The following CCDC171 variants were observed in gnomAD, a reference collection of about 807,000 sequenced individuals.
The protein encoded by CCDC171 is coiled-coil domain-containing protein 171.
Under a neutral mutation model 168.2 loss-of-function variants are expected in CCDC171, and 177 were observed. That is an observed-to-expected ratio of 1.05 (90% CI 0.93 to 1.19). The LOEUF (loss-of-function observed/expected upper bound fraction) is 1.19, where lower values mean the gene tolerates loss of function less well. Ranked by LOEUF, CCDC171 falls within the 50% of genes most tolerant of loss-of-function variation. CCDC171 has a pLI of 0.00. For synonymous variants in CCDC171, 687 were observed against 540.8 expected, an observed-to-expected ratio of 1.27 and a Z score of -3.75; for missense variants, 1,991 against 1,539.0, an observed-to-expected ratio of 1.29 and a Z score of -4.91.
At chr9:15,984,334 C>T (rs1022498736) in intron 3 of CCDC171, among the ~76,000 whole-genome samples, 1 of 152,046 alleles carries the variant, frequency 6.6e-6, no homozygotes, top group Non-Finnish European at 1.5e-5. Context: ...AATAGTGTCA[C>T]TGTGGTTAGG....
chr9:15,657,038 A>T (rs1020316832), intron 7 of CCDC171, 89 bp from the exon 8 acceptor site: 1 of 607,406 alleles, frequency 1.6e-6, no homozygotes, highest in Non-Finnish European at 2.7e-6. Context: ...CCACTAATCT[A>T]AAGTGTTAAT....
intron 7 of CCDC171, among the ~76,000 whole-genome samples, chr9:15,633,768 C>G (rs1416989807): frequency 6.6e-6 from 1 of 152,132 alleles, no homozygotes; most frequent in African/African-American, 2.4e-5. Flanking sequence ...AGACTTGGAA[C>G]CAACCCAAAT....
chr9:15,909,448 C>G lies in CCDC171; in HGVS notation c.3601-10822C>G, dbSNP rs915321951. On this transcript the variant is annotated intron_variant, in intron 24 of 25. Transcript: ENST00000380701. Reference sequence around the variant, plus strand: ...CGTGCACATAATTCCACTGGCAAAGCGAGAAGGTGGTTGGCAGTCTGACAT... The same window carrying G: ...CGTGCACATAATTCCACTGGCAAAGGGAGAAGGTGGTTGGCAGTCTGACAT... Among the ~76,000 whole-genome samples, 4 of 151,938 alleles carry G rather than the reference C, an allele frequency of 2.6e-5. No homozygotes were observed. In the East Asian group the frequency reaches 7.8e-4, roughly 29 times the overall value.
At chr9:15,790,555 A>G (rs567916107) in intron 21 of CCDC171, among the ~76,000 whole-genome samples, 1 of 151,888 alleles carries the variant, frequency 6.6e-6, no homozygotes, top group Non-Finnish European at 1.5e-5. Flanking sequence ...TTGCCTGTTC[A>G]CTCTGATGGT....
chr9:15,556,219 C>T (rs2038784757), intron 1 of CCDC171, among the ~76,000 whole-genome samples: 1 of 152,076 alleles, frequency 6.6e-6, no homozygotes, highest in African/African-American at 2.4e-5. Context: ...GATGGGCTTC[C>T]CTTTGTGGGT....
chr9:15,760,465 G>A (rs1304482007), intron 18 of CCDC171, among the ~76,000 whole-genome samples: 3 of 152,118 alleles, frequency 2.0e-5, no homozygotes, highest in Admixed American at 6.5e-5. Context: ...TCTGGGTACC[G>A]TTGCTTACTA....
At chr9:15,596,166 A>G (rs1184713887) in intron 6 of CCDC171, among the ~76,000 whole-genome samples, 2 of 152,046 alleles carry the variant, frequency 1.3e-5, no homozygotes, top group African/African-American at 2.4e-5. Context: ...CCATTTGTCA[A>G]TTTTGGCTTT....
At chr9:15,914,775 A>G (rs1327687617) in intron 24 of CCDC171, among the ~76,000 whole-genome samples, 1 of 152,004 alleles carries the variant, frequency 6.6e-6, no homozygotes, top group East Asian at 1.9e-4. Flanking sequence ...GGCCCTTGTG[A>G]TGTAGGTACC....
chr9:15,819,286 T>G (rs556401545), intron 21 of CCDC171, among the ~76,000 whole-genome samples: 1 of 117,298 alleles, frequency 8.5e-6, no homozygotes, highest in Non-Finnish European at 1.9e-5. Context: ...CTGCATCAAC[T>G]AACGAGCAAA....
rs750241497 is a variant in CCDC171 at position 15,571,736 on chromosome 9, A to G, written c.154A>G (p.Ile52Val). Residue 52 changes from isoleucine to valine, a missense_variant, in exon 3 of 26, where the codon ATA becomes GTA. Ile to Val is a conservative substitution (Grantham distance 29). Coordinates refer to ENST00000380701, the MANE Select transcript of CCDC171 (RefSeq NM_173550.4). Reference sequence around the variant, plus strand: ...TTGGGCTAAAAAAGAAAAGTTAGAAATAACAACCAAACACAATGCAGAGGT... The same window carrying G: ...TTGGGCTAAAAAAGAAAAGTTAGAAGTAACAACCAAACACAATGCAGAGGT... Reference protein sequence around the residue: ...LHWAKKEKLEITTKHNAELAS... With the variant: ...LHWAKKEKLEVTTKHNAELAS... 4 of 1,590,018 alleles carry G rather than the reference A, an allele frequency of 2.5e-6. No homozygotes were observed. Among genetic ancestry groups the G allele is most frequent in the East Asian group, 4.6e-5 (2 of 43,832 alleles).
At chr9:15,749,113 TGGAG>T (rs1488237361) in intron 18 of CCDC171, among the ~76,000 whole-genome samples, 1 of 145,916 alleles carries the variant, frequency 6.9e-6, no homozygotes, top group Non-Finnish European at 1.5e-5. Flanking sequence ...AATAAAGGGA[TGGAG>T]GAAGATCTAC....
At chr9:15,899,030 T>C (rs746849058) in intron 24 of CCDC171, among the ~76,000 whole-genome samples, 15 of 152,324 alleles carry the variant, frequency 9.8e-5, no homozygotes, top group African/African-American at 2.9e-4. Context: ...TTCTATAAGT[T>C]TGTCATTTCA....
intron 9 of CCDC171, among the ~76,000 whole-genome samples, chr9:15,673,720 C>G (rs2049300457): frequency 6.6e-6 from 1 of 152,112 alleles, no homozygotes; most frequent in African/African-American, 2.4e-5. Context: ...GGTGGATAAG[C>G]TTTTTGATGT....
chr9:16,069,556 CG>C, the CCDC171 span, among the ~76,000 whole-genome samples: 2 of 152,194 alleles, frequency 1.3e-5, no homozygotes, highest in Non-Finnish European at 2.9e-5. Flanking sequence ...GGCTAACGCT[CG>C]GGGCACCGAA....
chr9:15,683,558 G>A (rs542110415), intron 10 of CCDC171, among the ~76,000 whole-genome samples: 5 of 151,754 alleles, frequency 3.3e-5, no homozygotes, highest in South Asian at 2.1e-4. Context: ...ATCACTTTCC[G>A]TTTCTCTTAG....
In CCDC171 at chr9:15,891,464, A is replaced by G. The variant is rs988979263; in HGVS notation, c.3600+16801A>G. On this transcript the variant is annotated intron_variant, in intron 24 of 25. Transcript: ENST00000380701. The stretch of plus-strand genomic sequence containing the variant: ...CTTTGGTCCATTGTCAGATCTGATC[A>G]AAGCAGTTGGATCTTTGTAGGTCGA... Among the ~76,000 whole-genome samples the G allele has an allele frequency of 5.2e-4, 79 of 152,284 alleles. 1 individual carries two copies. Among genetic ancestry groups the G allele is most frequent in the African/African-American group, 1.9e-3 (79 of 41,572 alleles).
At chr9:15,654,035 CTG>C (rs886478485) in intron 7 of CCDC171, among the ~76,000 whole-genome samples, 36 of 152,140 alleles carry the variant, frequency 2.4e-4, no homozygotes, top group African/African-American at 7.5e-4. Flanking sequence ...TCAGACAAAA[CTG>C]TGAATATTTA....
At chr9:16,003,201 T>C (rs1322187231) in intron 3 of CCDC171, among the ~76,000 whole-genome samples, 4 of 152,230 alleles carry the variant, frequency 2.6e-5, no homozygotes, top group Middle Eastern at 6.3e-3. Context: ...GTCATTACTT[T>C]GCTGTGTAAC....
At chr9:15,735,689 AC>A (rs1207896125) in intron 16 of CCDC171, among the ~76,000 whole-genome samples, 2 of 151,980 alleles carry the variant, frequency 1.3e-5, no homozygotes, top group Non-Finnish European at 2.9e-5. Flanking sequence ...TCATAATTGA[AC>A]TCCAAGAATA....
Sources: gnomAD v4.1 joint callset for allele counts (sites outside exome capture counted in the v4.1 genomes callset) on GRCh38, gnomAD v4.1.1 for gene constraint, MANE v1.5 for transcripts, NCBI Gene and HGNC (gene_info 2026-07-23, HGNC 2026-07-21) for gene names.